Variants in SPMIP3 observed in about 807,000 individuals in gnomAD.
SPMIP3 encodes the protein sperm microtubule inner protein 3.
chr1:244,363,010 T>C, the SPMIP3 span, among the ~76,000 whole-genome samples: 1 of 149,194 alleles, frequency 6.7e-6, no homozygotes, highest in Non-Finnish European at 1.5e-5. Flanking sequence ...CACCAGGCTT[T>C]TTTTTTTGTT....
the SPMIP3 span, among the ~76,000 whole-genome samples, chr1:244,380,018 G>T: frequency 6.6e-6 from 1 of 151,988 alleles, no homozygotes; most frequent in Non-Finnish European, 1.5e-5. Context: ...TAGGACCTTG[G>T]GGGAGGACAT....
At chr1:244,382,837 C>T in the SPMIP3 span, among the ~76,000 whole-genome samples, 55 of 151,934 alleles carry the variant, frequency 3.6e-4, no homozygotes, top group African/African-American at 1.2e-3. Context: ...CTCCTGACCT[C>T]GTGATCTGCC....
At chr1:244,363,178 G>A in the SPMIP3 span, among the ~76,000 whole-genome samples, 1 of 152,062 alleles carries the variant, frequency 6.6e-6, no homozygotes. Flanking sequence ...GGCCGAGGTG[G>A]GTGGATCACC....
chr1:244,354,858 C>T, the SPMIP3 span, among the ~76,000 whole-genome samples: 3 of 152,196 alleles, frequency 2.0e-5, no homozygotes, highest in Admixed American at 6.5e-5. Context: ...GGTGCAGCCA[C>T]CTCAGCTGCC....
the SPMIP3 span, among the ~76,000 whole-genome samples, chr1:244,356,363 G>A: frequency 6.6e-6 from 1 of 152,056 alleles, no homozygotes; most frequent in African/African-American, 2.4e-5. Context: ...TACTATTATT[G>A]TATATTATAG....
the SPMIP3 span, among the ~76,000 whole-genome samples, chr1:244,358,214 A>T: frequency 6.6e-6 from 1 of 151,832 alleles, no homozygotes; most frequent in Non-Finnish European, 1.5e-5. Flanking sequence ...TGGGTGACAG[A>T]GCCAGACTCT....
chr1:244,353,909 T>C, the SPMIP3 span, among the ~76,000 whole-genome samples: 3 of 152,136 alleles, frequency 2.0e-5, no homozygotes, highest in South Asian at 2.1e-4. Context: ...ACAGTCACCA[T>C]GCTCCTAGCC....
chr1:244,378,743 A>C, the SPMIP3 span: 1 of 1,293,328 alleles, frequency 7.7e-7, no homozygotes, highest in East Asian at 2.3e-5. Flanking sequence ...GTTTGGGACC[A>C]GTCGAGTTGG....
the SPMIP3 span, among the ~76,000 whole-genome samples, chr1:244,357,469 G>C: frequency 1.1e-4 from 16 of 152,050 alleles, 1 homozygote; most frequent in South Asian, 1.2e-3. Flanking sequence ...CAGCACTTTG[G>C]GGGGGCCAAG....
At chr1:244,352,971 C>T in the SPMIP3 span, among the ~76,000 whole-genome samples, 4 of 152,004 alleles carry the variant, frequency 2.6e-5, no homozygotes, top group Non-Finnish European at 5.9e-5. Flanking sequence ...TTCTTAGAAA[C>T]GGGTACACCT....
At chr1:244,357,203 C>T in the SPMIP3 span, among the ~76,000 whole-genome samples, 3 of 115,940 alleles carry the variant, frequency 2.6e-5, no homozygotes, top group East Asian at 2.2e-4. Context: ...ATGACAGGCA[C>T]GAGCCACTGC....
chr1:244,357,468 G>C, the SPMIP3 span, among the ~76,000 whole-genome samples: 3 of 151,846 alleles, frequency 2.0e-5, no homozygotes, highest in Non-Finnish European at 4.4e-5. Context: ...CCAGCACTTT[G>C]GGGGGGCCAA....
chr1:244,360,005 A>T, the SPMIP3 span, among the ~76,000 whole-genome samples: 3 of 151,960 alleles, frequency 2.0e-5, no homozygotes, highest in Non-Finnish European at 4.4e-5. Context: ...GCTACTCGGG[A>T]GGCTGAGGCA....
the SPMIP3 span, among the ~76,000 whole-genome samples, chr1:244,358,868 T>C: frequency 6.6e-6 from 1 of 152,132 alleles, no homozygotes; most frequent in African/African-American, 2.4e-5. Flanking sequence ...TTGGGGCATG[T>C]CTAAGCGAGA....
the SPMIP3 span, among the ~76,000 whole-genome samples, chr1:244,381,699 A>G: frequency 1.3e-5 from 2 of 152,198 alleles, no homozygotes; most frequent in Non-Finnish European, 2.9e-5. Context: ...GCAAGGCCGA[A>G]GCGGGAGGAT....
the SPMIP3 span, among the ~76,000 whole-genome samples, chr1:244,354,879 T>G: frequency 1.3e-5 from 2 of 152,294 alleles, no homozygotes; most frequent in South Asian, 4.1e-4. Flanking sequence ...TGGAAGGTAA[T>G]CTGGTATGAA....
chr1:244,374,817 C>T, the SPMIP3 span, among the ~76,000 whole-genome samples: 3 of 151,782 alleles, frequency 2.0e-5, no homozygotes, highest in African/African-American at 4.8e-5. Context: ...AGGTTGGTCT[C>T]GAACTCCTGA....
chr1:244,386,293 A>G, the SPMIP3 span, among the ~76,000 whole-genome samples: 1 of 152,234 alleles, frequency 6.6e-6, no homozygotes, highest in Non-Finnish European at 1.5e-5. Context: ...TTATCAACTA[A>G]TTATTCATTT....
the SPMIP3 span, among the ~76,000 whole-genome samples, chr1:244,365,898 G>A: frequency 6.6e-6 from 1 of 152,242 alleles, no homozygotes; most frequent in African/African-American, 2.4e-5. Context: ...GAGAGCTGAC[G>A]GCACAGATGG....
Sources: gnomAD v4.1 joint callset for allele counts (sites outside exome capture counted in the v4.1 genomes callset) on GRCh38, gnomAD v4.1.1 for gene constraint, MANE v1.5 for transcripts, NCBI Gene and HGNC (gene_info 2026-07-23, HGNC 2026-07-21) for gene names.